KERA: variants seen among roughly 807,000 people sequenced by gnomAD.
KERA encodes keratan sulfate proteoglycan keratocan.
A neutral mutation model predicts 26.4 loss-of-function variants in KERA; 25 were observed. The observed-to-expected ratio is 0.95, with a 90% confidence interval of 0.69 to 1.32. The LOEUF (loss-of-function observed/expected upper bound fraction) is 1.32. Ranked by LOEUF, KERA falls within the 40% of genes most tolerant of loss-of-function variation. The pLI, the probability that KERA is intolerant of heterozygous loss-of-function variation, is 0.00. For missense variants in KERA, 434 were observed against 408.9 expected (o/e 1.06, Z -0.53); for synonymous variants, 167 against 146.1 (o/e 1.14, Z -1.03).
At chr12:91,051,971 G>A (rs569987581) in intron 2 of KERA, among the ~76,000 whole-genome samples, 2 of 151,580 alleles carry the variant, frequency 1.3e-5, no homozygotes, top group African/African-American at 2.4e-5. Context: ...GGATGGGTAA[G>A]TAGAAAATCA....
In KERA at chr12:91,057,831, G is replaced by C. The variant is rs1269375990; in HGVS notation, c.-96C>G. On this transcript the variant is annotated 5_prime_UTR_variant, in exon 1 of 3. Coordinates refer to ENST00000266719, the MANE Select transcript of KERA (RefSeq NM_007035.4). ...TTAAGAGAAAAAAAAAAACTTTGAC[G>C]AAAATAATTTGTTTTTACTTTAAGC... is the stretch of plus-strand genomic sequence containing the variant. 1 of 150,838 alleles carries C rather than the reference G, an allele frequency of 6.6e-6. No homozygotes were observed. Among genetic ancestry groups the C allele is most frequent in the Non-Finnish European group, 1.5e-5 (1 of 67,356 alleles). The allele number at this position is 150,838 out of a possible 1,614,324, so 9.3% of individuals were successfully genotyped here. A position where few individuals can be genotyped will look rare whatever the true frequency, so the allele number is the denominator to read the frequency against.
In KERA at chr12:91,051,075, A is replaced by G. The variant is rs1258717915; in HGVS notation, c.*271T>C. 1 of 405,614 alleles carries G rather than the reference A, an allele frequency of 2.5e-6. No homozygotes were observed. Among genetic ancestry groups the G allele is most frequent in the Non-Finnish European group, 4.6e-6 (1 of 215,068 alleles). The allele number at this position is 405,614 out of a possible 1,614,324, so 25.1% of individuals were successfully genotyped here. ...TTGTTTTCTTTAGTGTTAATAAGCT[A>G]TGGAAGAGACCAAAATAAAACTATC... On this transcript the variant is annotated 3_prime_UTR_variant, in exon 3 of 3. Coordinates refer to ENST00000266719, the MANE Select transcript of KERA (RefSeq NM_007035.4).
chr12:91,054,447 G>C (rs1878940228), intron 2 of KERA, among the ~76,000 whole-genome samples: 1 of 151,316 alleles, frequency 6.6e-6, no homozygotes. Flanking sequence ...TGAGTTTGAA[G>C]ATGCATAGAT....
At chr12:91,054,165 ACT>A (rs757696121) in intron 2 of KERA, among the ~76,000 whole-genome samples, 11 of 151,276 alleles carry the variant, frequency 7.3e-5, no homozygotes, top group Non-Finnish European at 1.3e-4. Flanking sequence ...ACTCAAGTAC[ACT>A]GTTATTTAAC....
rs559098351 is a variant in KERA at position 91,051,275 on chromosome 12, C to T, written c.*71G>A. On this transcript the variant is annotated 3_prime_UTR_variant, in exon 3 of 3. Coordinates refer to ENST00000266719, the MANE Select transcript of KERA (RefSeq NM_007035.4). ...GGGGAATATGACTTGTGTCCTAAAC[C>T]TATTAATGGTAACCACATTTCATGT... is the stretch of plus-strand genomic sequence containing the variant. The T allele has an allele frequency of 7.9e-7, 1 of 1,271,364 alleles. No individual in the cohort carries two copies. Among genetic ancestry groups the T allele is most frequent in the East Asian group, 2.3e-5 (1 of 42,604 alleles). 78.8% of individuals were successfully genotyped at this position (1,271,364 alleles called of 1,614,324 possible).
At chr12:91,056,681 C>T (rs1879012900) in intron 1 of KERA, among the ~76,000 whole-genome samples, 1 of 151,166 alleles carries the variant, frequency 6.6e-6, no homozygotes, top group African/African-American at 2.4e-5. Context: ...CTGTGTTGTT[C>T]CTGAGAGGAA....
rs150620296 is a variant in KERA, at chr12:91,055,472, C to G, written c.810G>C (p.Ser270=). Residue 270 remains serine, a synonymous_variant, in exon 2 of 3, where the codon TCG becomes TCC. Coordinates refer to ENST00000266719, the MANE Select transcript of KERA (RefSeq NM_007035.4). The stretch of plus-strand genomic sequence containing the variant: ...GGGGAACCTTTGTGAGTTGATTGTG[C>G]GACAGTTGAAGATCTAGAATTGATG... ...DVSSILDLQL[S]HNQLTKVPRI... 4 of 1,609,642 alleles carry G rather than the reference C, an allele frequency of 2.5e-6. No homozygotes were observed. The highest frequency in any genetic ancestry group is 3.4e-6 in the Non-Finnish European group (4 of 1,177,448).
intron 2 of KERA, among the ~76,000 whole-genome samples, chr12:91,053,440 G>C (rs1878913777): frequency 6.6e-6 from 1 of 151,214 alleles, no homozygotes; most frequent in Non-Finnish European, 1.5e-5. Context: ...TCCTCCCCTA[G>C]CTGATCTTCA....
chr12:91,056,389 G>A (rs1169370459), intron 1 of KERA, 100 bp from the exon 2 acceptor site: 34 of 950,220 alleles, frequency 3.6e-5, no homozygotes, highest in South Asian at 5.4e-5. Flanking sequence ...CTTCAGGGAA[G>A]AGGTGAAAAT....
In KERA at chr12:91,055,800, G is replaced by T. The variant is rs774494680; in HGVS notation, c.482C>A (p.Thr161Asn). ...GGTCAGGTTCTCCAGATTGCTAAAG[G>T]TCCCTTGAGGAATTCTGGACACCTT... ...RNKVSRIPQGTFSNLENLTLL... is the reference protein window; with the variant it reads ...RNKVSRIPQGNFSNLENLTLL... Residue 161 changes from threonine to asparagine, a missense_variant, in exon 2 of 3, where the codon ACC (threonine) becomes AAC (asparagine). Coordinates refer to ENST00000266719, the MANE Select transcript of KERA (RefSeq NM_007035.4). 2.5e-6 allele frequency: 4 copies of T among 1,611,132 alleles called. No individual in the cohort carries two copies. The highest frequency in any genetic ancestry group is 3.4e-6 in the Non-Finnish European group (4 of 1,178,202).
rs1422745857 is a variant in KERA at position 91,056,394 on chromosome 12, G to A, written c.-8-105C>T. 4 of 880,768 alleles carry A rather than the reference G, an allele frequency of 4.5e-6. No homozygotes were observed. The African/African-American group carries it at 5.0e-5, about 11-fold the overall frequency. 54.6% of individuals were successfully genotyped at this position (880,768 alleles called of 1,614,324 possible). On this transcript the variant is annotated intron_variant, in intron 1 of 2. Transcript: ENST00000266719. ...AACATTGCTTCTTCAGGGAAGAGGTGAAAATATGTCAACATTTCATACACA... is the reference window on the plus strand; with the variant it reads ...AACATTGCTTCTTCAGGGAAGAGGTAAAAATATGTCAACATTTCATACACA...
chr12:91,056,591 A>C (rs141853861), intron 1 of KERA, among the ~76,000 whole-genome samples: 1 of 151,268 alleles, frequency 6.6e-6, no homozygotes, highest in East Asian at 1.9e-4. Context: ...CAAGCTATTT[A>C]ATTTAAAGAA....
At chr12:91,052,807 G>A (rs1364021314) in intron 2 of KERA, among the ~76,000 whole-genome samples, 1 of 151,320 alleles carries the variant, frequency 6.6e-6, no homozygotes, top group Non-Finnish European at 1.5e-5. Flanking sequence ...AAAAGAATAT[G>A]TCCCTTTCGA....
intron 2 of KERA, among the ~76,000 whole-genome samples, chr12:91,055,156 G>A: frequency 6.6e-6 from 1 of 151,092 alleles, no homozygotes; most frequent in African/African-American, 2.4e-5. Context: ...ATGGATAATA[G>A]TCCTCTGTAG....
Position 91,056,903 on chromosome 12 carries a change from T to C in KERA, c.-8-614A>G, listed in dbSNP as rs75559965. Reference sequence around the variant, plus strand: ...TAAGTTTTTTGAGGGTGGGGGAAGATGTCTATAATTTTAAGCACACAATTA... The same window carrying C: ...TAAGTTTTTTGAGGGTGGGGGAAGACGTCTATAATTTTAAGCACACAATTA... On this transcript the variant is annotated intron_variant, in intron 1 of 2. Coordinates refer to ENST00000266719, the MANE Select transcript of KERA (RefSeq NM_007035.4). 7.9e-4 allele frequency among the ~76,000 whole-genome samples: 120 copies of C among 151,198 alleles called. 1 individual carries two copies. The East Asian group carries it at 0.021, about 27-fold the overall frequency.
At chr12:91,056,806 A>T (rs1879018108) in intron 1 of KERA, among the ~76,000 whole-genome samples, 1 of 151,176 alleles carries the variant, frequency 6.6e-6, no homozygotes, top group South Asian at 2.1e-4. Flanking sequence ...TTAGCACTTT[A>T]TGGTGAAGGA....
In KERA at chr12:91,051,269, C is replaced by G; in HGVS notation, c.*77G>C. 2.4e-6 allele frequency: 3 copies of G among 1,231,592 alleles called. No individual in the cohort carries two copies. The South Asian group carries it at 3.7e-5, about 15-fold the overall frequency. The allele number at this position is 1,231,592 out of a possible 1,614,324, so 76.3% of individuals were successfully genotyped here. Reference sequence around the variant, plus strand: ...AGCAATGGGGAATATGACTTGTGTCCTAAACCTATTAATGGTAACCACATT... The same window carrying G: ...AGCAATGGGGAATATGACTTGTGTCGTAAACCTATTAATGGTAACCACATT... On this transcript the variant is annotated 3_prime_UTR_variant, in exon 3 of 3. Transcript: ENST00000266719.
At chr12:91,053,798 G>T (rs1485612507) in intron 2 of KERA, among the ~76,000 whole-genome samples, 1 of 151,246 alleles carries the variant, frequency 6.6e-6, no homozygotes. Context: ...TTTAAATACT[G>T]CTGCCTCACT....
intron 2 of KERA, among the ~76,000 whole-genome samples, chr12:91,052,345 T>G (rs1878889811): frequency 6.6e-6 from 1 of 151,514 alleles, no homozygotes; most frequent in East Asian, 1.9e-4. Context: ...ATTTCAACCA[T>G]GAATCCATAT....
Sources: gnomAD v4.1 joint callset for allele counts (sites outside exome capture counted in the v4.1 genomes callset) on GRCh38, gnomAD v4.1.1 for gene constraint, MANE v1.5 for transcripts, NCBI Gene and HGNC (gene_info 2026-07-23, HGNC 2026-07-21) for gene names.